AGPS: variants seen among roughly 807,000 people sequenced by gnomAD.
The protein encoded by AGPS is alkyldihydroxyacetonephosphate synthase, peroxisomal.
Under a neutral mutation model 90.7 loss-of-function variants are expected in AGPS, and 26 were observed. The ratio of observed to expected loss-of-function variants is 0.29; its 90% CI spans 0.21 to 0.40. The LOEUF is 0.40. Ranked by LOEUF, AGPS falls within the 10% of genes least tolerant of loss-of-function variation. AGPS has a pLI of 1.00. For synonymous variants in AGPS, 294 were observed against 285.3 expected, an observed-to-expected ratio of 1.03 and a Z score of -0.31; for missense variants, 540 against 816.1, an observed-to-expected ratio of 0.66 and a Z score of 4.12.
chr2:177,479,529 C>T (rs996673620), intron 10 of AGPS, among the ~76,000 whole-genome samples: 2 of 152,132 alleles, frequency 1.3e-5, no homozygotes, highest in African/African-American at 4.8e-5. Flanking sequence ...ATATGTTCAT[C>T]AACTGATGAG....
At chr2:177,436,920 C>A (rs775517200) in intron 4 of AGPS, 36 bp downstream of exon 4, 1 of 1,610,164 alleles carries the variant, frequency 6.2e-7, no homozygotes, top group South Asian at 1.1e-5. Flanking sequence ...TTATTTTTAA[C>A]AAAAAAATTC....
At chr2:177,501,074 T>C (rs1688549159) in intron 14 of AGPS, among the ~76,000 whole-genome samples, 1 of 152,220 alleles carries the variant, frequency 6.6e-6, no homozygotes, top group African/African-American at 2.4e-5. Flanking sequence ...TACTCTAGCC[T>C]TAAATATTAG....
chr2:177,479,025 A>G (rs1329345615), intron 10 of AGPS, among the ~76,000 whole-genome samples: 1 of 152,144 alleles, frequency 6.6e-6, no homozygotes, highest in East Asian at 1.9e-4. Context: ...ATTAGGAGCT[A>G]TCTGTCTTAT....
chr2:177,488,918 C>T (rs561873419), intron 11 of AGPS, among the ~76,000 whole-genome samples: 3 of 152,240 alleles, frequency 2.0e-5, no homozygotes, highest in African/African-American at 7.2e-5. Flanking sequence ...ACCCCTCAGA[C>T]ATGTGAAATA....
At position 177,393,224 on chromosome 2, in the gene AGPS, T is replaced by G. The variant is rs570534934; in HGVS notation, c.260+175T>G. 6.6e-5 allele frequency: 65 copies of G among 985,048 alleles called. No individual in the cohort carries two copies. The African/African-American group carries it at 1.0e-3, about 16-fold the overall frequency. 61.0% of individuals were successfully genotyped at this position (985,048 alleles called of 1,614,324 possible). A position where few individuals can be genotyped will look rare whatever the true frequency, so the allele number is the denominator to read the frequency against. The stretch of plus-strand genomic sequence containing the variant: ...AGAGTGGACTAGACCCTGGATTCTG[T>G]CAGGAAGGGGGCGGGATGGGATGGT... On this transcript the variant is annotated intron_variant, in intron 1 of 19. Coordinates refer to ENST00000264167, the MANE Select transcript of AGPS (RefSeq NM_003659.4).
intron 8 of AGPS, among the ~76,000 whole-genome samples, chr2:177,453,640 T>C (rs1365276800): frequency 1.3e-5 from 2 of 151,666 alleles, no homozygotes; most frequent in East Asian, 1.9e-4. Flanking sequence ...AGAATAGTGT[T>C]CTTCTTTATA....
intron 19 of AGPS, among the ~76,000 whole-genome samples, chr2:177,533,065 T>C (rs1559087202): frequency 6.6e-6 from 1 of 152,214 alleles, no homozygotes; most frequent in African/African-American, 2.4e-5. Flanking sequence ...CTTATTCCTT[T>C]GATAGCTACC....
intron 1 of AGPS, among the ~76,000 whole-genome samples, chr2:177,417,816 T>C (rs557469109): frequency 3.3e-5 from 5 of 152,308 alleles, no homozygotes; most frequent in African/African-American, 1.2e-4. Flanking sequence ...TACTTCTATG[T>C]ATAAGAAGTT....
intron 2 of AGPS, among the ~76,000 whole-genome samples, chr2:177,432,921 TC>T (rs1686286684): frequency 6.6e-6 from 1 of 152,178 alleles, no homozygotes; most frequent in South Asian, 2.1e-4. Flanking sequence ...GGTGCCAGGC[TC>T]TTTTTAAACA....
At chr2:177,472,144 A>G (rs1409756770) in intron 10 of AGPS, among the ~76,000 whole-genome samples, 1 of 149,578 alleles carries the variant, frequency 6.7e-6, no homozygotes, top group Admixed American at 6.7e-5. Flanking sequence ...TTCAGTTTTC[A>G]TCCTCAGGGA....
At chr2:177,520,748 A>T (rs1284067056) in intron 17 of AGPS, among the ~76,000 whole-genome samples, 1 of 152,234 alleles carries the variant, frequency 6.6e-6, no homozygotes, top group African/African-American at 2.4e-5. Context: ...TTTTATTGTC[A>T]AGATATGTAT....
At chr2:177,452,057 A>T (rs1162261000) in intron 8 of AGPS, among the ~76,000 whole-genome samples, 1 of 152,138 alleles carries the variant, frequency 6.6e-6, no homozygotes, top group Non-Finnish European at 1.5e-5. Flanking sequence ...ACTTTATATG[A>T]CTTGAATCCT....
chr2:177,490,859 T>TG (rs1256947900), intron 11 of AGPS, among the ~76,000 whole-genome samples: 2,486 of 146,136 alleles, frequency 0.017, 93 homozygotes, highest in African/African-American at 0.058. Context: ...TTTTTTTTTT[T>TG]TTTTTTTTTT....
chr2:177,507,874 CAT>C (rs1365453987), intron 15 of AGPS, 94 bp from the exon 16 acceptor site: 4 of 910,262 alleles, frequency 4.4e-6, no homozygotes, highest in African/African-American at 1.6e-5. Flanking sequence ...AAATGAGAAA[CAT>C]GTGATACTAA....
intron 8 of AGPS, among the ~76,000 whole-genome samples, chr2:177,446,532 G>T (rs1253488867): frequency 2.0e-5 from 3 of 152,132 alleles, no homozygotes; most frequent in Non-Finnish European, 4.4e-5. Context: ...TTTGTATATT[G>T]GGTGGGTGTG....
At chr2:177,398,817 A>G (rs923539455) in intron 1 of AGPS, among the ~76,000 whole-genome samples, 2 of 152,226 alleles carry the variant, frequency 1.3e-5, no homozygotes, top group Non-Finnish European at 2.9e-5. Flanking sequence ...GCATTTTGCC[A>G]TTTGACTTGT....
chr2:177,535,456 C>T (rs74678013), intron 19 of AGPS, among the ~76,000 whole-genome samples: 1 of 148,214 alleles, frequency 6.7e-6, no homozygotes, highest in African/African-American at 2.5e-5. Context: ...TCTGAATGCC[C>T]AGCAGTACAA....
At chr2:177,464,414 C>T (rs546173401) in intron 9 of AGPS, among the ~76,000 whole-genome samples, 16 of 152,242 alleles carry the variant, frequency 1.1e-4, no homozygotes, top group South Asian at 2.1e-4. Context: ...TAATATATTT[C>T]GTAACATTAG....
chr2:177,492,438 A>G (rs982087453), intron 11 of AGPS, among the ~76,000 whole-genome samples: 8 of 152,192 alleles, frequency 5.3e-5, no homozygotes, highest in African/African-American at 1.4e-4. Context: ...TTCCTTTAGT[A>G]TTTTTGGAAA....
Sources: gnomAD v4.1 joint callset for allele counts (sites outside exome capture counted in the v4.1 genomes callset) on GRCh38, gnomAD v4.1.1 for gene constraint, MANE v1.5 for transcripts, NCBI Gene and HGNC (gene_info 2026-07-23, HGNC 2026-07-21) for gene names.